The following TUT1 variants were observed in gnomAD, a reference collection of about 807,000 sequenced individuals.
The protein encoded by TUT1 is speckle targeted PIP5K1A-regulated poly(A) polymerase.
In TUT1, 26 loss-of-function variants were observed where a neutral mutation model predicts 48.8. The ratio of observed to expected loss-of-function variants is 0.53; its 90% CI spans 0.39 to 0.74. TUT1 has a LOEUF of 0.74. Ranked by LOEUF, TUT1 falls within the 30% of genes least tolerant of loss-of-function variation. The pLI, the probability that TUT1 is intolerant of heterozygous loss-of-function variation, is 0.00. For synonymous variants in TUT1, 470 were observed against 460.8 expected, an observed-to-expected ratio of 1.02 and a Z score of -0.26; for missense variants, 1,065 against 1,114.8, an observed-to-expected ratio of 0.96 and a Z score of 0.64.
At chr11:62,581,723 G>A (rs985892177) in intron 2 of TUT1, 22 bp from the exon 3 acceptor site, 2 of 1,405,490 alleles carry the variant, frequency 1.4e-6, no homozygotes, top group African/African-American at 1.5e-5. Context: ...CAGGGGCAGA[G>A]ATGATGATTT....
chr11:62,588,484 G>A (rs920689389), intron 2 of TUT1, among the ~76,000 whole-genome samples: 1 of 152,124 alleles, frequency 6.6e-6, no homozygotes, highest in African/African-American at 2.4e-5. Context: ...AACCCAGGAG[G>A]TAGACGTCAC....
chr11:62,581,734 T>TTTAATGATGC, intron 2 of TUT1, 33 bp from the exon 3 acceptor site: 2 of 1,394,484 alleles, frequency 1.4e-6, no homozygotes, highest in Admixed American at 3.5e-5. Flanking sequence ...ATGATGATTT[T>TTTAATGATGC]GGAACCAAGA....
chr11:62,588,875 G>A (rs894511310), intron 2 of TUT1, among the ~76,000 whole-genome samples, 156 bp downstream of exon 2: 11 of 152,156 alleles, frequency 7.2e-5, no homozygotes, highest in African/African-American at 2.4e-4. Flanking sequence ...TTTATTTTTA[G>A]TAGAGATGGG....
At position 62,578,901 on chromosome 11, in the gene TUT1, C is replaced by T. The variant is rs1170908509; in HGVS notation, c.820G>A (p.Glu274Lys). Reference sequence around the variant, plus strand: ...GAAGGGGTTTCAAAGTCCAGGGCTTCAGAATCCTGGGGAGAAGCAGGAGGT... The same window carrying T: ...GAAGGGGTTTCAAAGTCCAGGGCTTTAGAATCCTGGGGAGAAGCAGGAGGT... Reference protein sequence around the residue: ...SQPPASPQDSEALDFETPSSS... With the variant: ...SQPPASPQDSKALDFETPSSS... The change falls in exon 5 of 9, where the codon GAA (glutamate) becomes AAA (lysine). Residue 274 changes from glutamate to lysine, a missense_variant. Transcript: ENST00000476907. 1 of 1,596,712 alleles carries T rather than the reference C, an allele frequency of 6.3e-7. No individual in the cohort carries two copies. Among genetic ancestry groups the T allele is most frequent in the Non-Finnish European group, 8.5e-7 (1 of 1,170,938 alleles).
chr11:62,576,625 T>C, intron 8 of TUT1, 32 bp downstream of exon 8: 1 of 1,573,042 alleles, frequency 6.4e-7, no homozygotes, highest in Non-Finnish European at 8.7e-7. Context: ...TGAACATCAT[T>C]ACTAGTCCTC....
rs745859092 is a variant in TUT1, at chr11:62,575,111, T to C, written c.2608A>G (p.Ile870Val). The part of the protein sequence containing the change: ...HFLQVFLPQA[I>V]RHLK ...CCATGTCTTCACTTGAGATGTCGAA[T>C]TGCTTGAGGGAGGAAAACCTGTAAG... Residue 870 changes from isoleucine (I) to valine (V), a missense_variant, in exon 9 of 9, where the codon ATT becomes GTT. Ile to Val is a conservative substitution (Grantham distance 29). Coordinates refer to ENST00000476907, the MANE Select transcript of TUT1 (RefSeq NM_022830.3). 5 of 1,565,964 alleles carry C rather than the reference T, an allele frequency of 3.2e-6. No homozygotes were observed. The highest frequency in any genetic ancestry group is 2.3e-5 in the East Asian group (1 of 44,338).
In TUT1 at chr11:62,576,088, G is replaced by A. The variant is rs368690651; in HGVS notation, c.1631C>T (p.Pro544Leu). The A allele has an allele frequency of 3.1e-6, 5 of 1,613,918 alleles. No individual in the cohort carries two copies. The highest frequency in any genetic ancestry group is 4.2e-6 in the Non-Finnish European group (5 of 1,180,050). ...TGCGACATTGTGACTCAGGTCAAAA[G>A]GGTCCTGGAGATTCAGGGGGCCAAG... The part of the protein sequence containing the change: ...LRLGPLNLQD[P>L]FDLSHNVAAN... The change falls in exon 9 of 9, where the codon CCT (proline) becomes CTT (leucine). Residue 544 changes from proline (P) to leucine (L), a missense_variant. By Grantham distance (98) the Pro-to-Leu change is moderately conservative. Coordinates refer to ENST00000476907, the MANE Select transcript of TUT1 (RefSeq NM_022830.3).
At chr11:62,588,007 G>C (rs1237367238) in intron 2 of TUT1, among the ~76,000 whole-genome samples, 1 of 152,212 alleles carries the variant, frequency 6.6e-6, no homozygotes, top group Non-Finnish European at 1.5e-5. Context: ...TTGTGGAGTT[G>C]ATCCAATGGT....
intron 2 of TUT1, among the ~76,000 whole-genome samples, chr11:62,587,408 C>G (rs1173299722): frequency 6.6e-6 from 1 of 151,824 alleles, no homozygotes; most frequent in Non-Finnish European, 1.5e-5. Flanking sequence ...CTCGAACTCC[C>G]GACCTCACAT....
At position 62,581,433 on chromosome 11, in the gene TUT1, C is replaced by G; in HGVS notation, c.542G>C (p.Ser181Thr). 6.2e-7 allele frequency: 1 copy of G among 1,612,520 alleles called. No homozygotes were observed. Among genetic ancestry groups the G allele is most frequent in the Non-Finnish European group, 8.5e-7 (1 of 1,179,562 alleles). Residue 181 changes from serine to threonine, a missense_variant, in exon 3 of 9, where the codon AGC (serine) becomes ACC (threonine). Coordinates refer to ENST00000476907, the MANE Select transcript of TUT1 (RefSeq NM_022830.3). Reference sequence around the variant, plus strand: ...CTCCTGCATCAGGGCCACCACTAGGCTGCGAAGCTGCCGCTCGGCCTCGGA... The same window carrying G: ...CTCCTGCATCAGGGCCACCACTAGGGTGCGAAGCTGCCGCTCGGCCTCGGA... ...ELSEAERQLR[S>T]LVVALMQEVF...
Position 62,580,061 on chromosome 11 carries a change from G to A in TUT1, c.691-1031C>T, listed in dbSNP as rs573938416. 2.6e-5 allele frequency among the ~76,000 whole-genome samples: 4 copies of A among 152,262 alleles called. No individual in the cohort carries two copies. The East Asian group carries it at 7.7e-4, about 29-fold the overall frequency. On this transcript the variant is annotated intron_variant, in intron 4 of 8. Transcript: ENST00000476907. ...AGAATGAGGCAGGAGGATTCCTTGAGCCCAGGAGTTCGAGACCAGCCTGGG... is the reference window on the plus strand; with the variant it reads ...AGAATGAGGCAGGAGGATTCCTTGAACCCAGGAGTTCGAGACCAGCCTGGG...
chr11:62,586,056 C>G (rs946379132), intron 2 of TUT1, among the ~76,000 whole-genome samples: 2 of 152,040 alleles, frequency 1.3e-5, no homozygotes, highest in African/African-American at 4.8e-5. Context: ...GAGCTGAGAT[C>G]GCCCCAAGCC....
In TUT1 at chr11:62,576,217, C is replaced by G; in HGVS notation, c.1502G>C (p.Cys501Ser). The G allele has an allele frequency of 6.3e-7, 1 of 1,599,012 alleles. No individual in the cohort carries two copies. The highest frequency in any genetic ancestry group is 1.3e-5 in the African/African-American group (1 of 74,228). ...GCCACGAAGATCCCAACAAGATACA[C>G]AGGAGAAGAACTGGGCTAGCAGGGA... ...LSSLLAQFFS[C>S]VSCWDLRGSL... The change falls in exon 9 of 9, where the codon TGT (cysteine) becomes TCT (serine). Residue 501 changes from cysteine to serine, a missense_variant. Transcript: ENST00000476907.
intron 2 of TUT1, among the ~76,000 whole-genome samples, chr11:62,586,878 T>C (rs1037278973): frequency 2.0e-5 from 3 of 150,942 alleles, no homozygotes; most frequent in African/African-American, 7.3e-5. Flanking sequence ...CTAATTTTTG[T>C]ATTTTTAGTA....
chr11:62,581,419 G>A lies in TUT1; in HGVS notation c.556C>T (p.Leu186=). The A allele has an allele frequency of 6.2e-7, 1 of 1,610,358 alleles. No individual in the cohort carries two copies. Among genetic ancestry groups the A allele is most frequent in the East Asian group, 2.2e-5 (1 of 44,872 alleles). Residue 186 remains leucine (L), a synonymous_variant, in exon 3 of 9, where the codon CTG becomes TTG. Coordinates refer to ENST00000476907, the MANE Select transcript of TUT1 (RefSeq NM_022830.3). The part of the protein sequence containing the change: ...ERQLRSLVVA[L]MQEVFTEFFP... ...AACTCTGTGAAGACCTCCTGCATCA[G>A]GGCCACCACTAGGCTGCGAAGCTGC...
At chr11:62,588,305 G>C (rs1358689678) in intron 2 of TUT1, among the ~76,000 whole-genome samples, 1 of 152,220 alleles carries the variant, frequency 6.6e-6, no homozygotes, top group Non-Finnish European at 1.5e-5. Context: ...CGTAATCCCA[G>C]CATTTGGGGA....
intron 2 of TUT1, among the ~76,000 whole-genome samples, chr11:62,587,485 C>G (rs886814910): frequency 6.6e-6 from 1 of 152,164 alleles, no homozygotes; most frequent in African/African-American, 2.4e-5. Context: ...CTGGCCGACA[C>G]TAACCTTTTA....
Position 62,581,397 on chromosome 11 carries a change from TCTGTGAAGACCTCCTGCATCAGG to T in TUT1, c.555_577del (p.Leu186ValfsTer16), listed in dbSNP as rs779776041. 6 of 1,602,400 alleles carry T rather than the reference TCTGTGAAGACCTCCTGCATCAGG, an allele frequency of 3.7e-6. No individual in the cohort carries two copies. Among genetic ancestry groups the T allele is most frequent in the Non-Finnish European group, 5.1e-6 (6 of 1,174,952 alleles). On this transcript the variant is annotated frameshift_variant, in exon 3 of 9. Transcript: ENST00000476907. LOFTEE classifies it high-confidence loss of function. ...GGGAGGTAACTTACCAGGGAAGAACTCTGTGAAGACCTCCTGCATCAGGGCCACCACTAGGCTGCGAAGCTGCC... is the reference window on the plus strand; with the variant it reads ...GGGAGGTAACTTACCAGGGAAGAACTGCCACCACTAGGCTGCGAAGCTGCC...
In TUT1 at chr11:62,575,636, C is replaced by G; in HGVS notation, c.2083G>C (p.Glu695Gln). The G allele has an allele frequency of 6.2e-7, 1 of 1,614,212 alleles. No homozygotes were observed. Among genetic ancestry groups the G allele is most frequent in the South Asian group, 1.1e-5 (1 of 91,088 alleles). ...GEDRVEEMVI[E>Q]VGEMVQDWAM... is the part of the protein sequence containing the mutation. ...CAGTCCTGCACCATCTCTCCAACCTCTATAACCATCTCTTCTACCCTGTCT... is the reference window on the plus strand; with the variant it reads ...CAGTCCTGCACCATCTCTCCAACCTGTATAACCATCTCTTCTACCCTGTCT... The change falls in exon 9 of 9, where the codon GAG becomes CAG. Residue 695 changes from glutamate to glutamine, a missense_variant. Glu to Gln is a conservative substitution (Grantham distance 29, BLOSUM62 2). Coordinates refer to ENST00000476907, the MANE Select transcript of TUT1 (RefSeq NM_022830.3).
Sources: gnomAD v4.1 joint callset for allele counts (sites outside exome capture counted in the v4.1 genomes callset) on GRCh38, gnomAD v4.1.1 for gene constraint, MANE v1.5 for transcripts, NCBI Gene and HGNC (gene_info 2026-07-23, HGNC 2026-07-21) for gene names.